LHX8: variants seen among roughly 807,000 people sequenced by gnomAD.
LHX8 encodes LIM homeobox 8.
A neutral mutation model predicts 40.3 loss-of-function variants in LHX8; 12 were observed. The ratio of observed to expected loss-of-function variants is 0.30; its 90% CI spans 0.19 to 0.48. The LOEUF (loss-of-function observed/expected upper bound fraction) is 0.48. Ranked by LOEUF, LHX8 falls within the 20% of genes least tolerant of loss-of-function variation. LHX8 has a pLI of 0.99. For synonymous variants in LHX8, 179 were observed against 162.0 expected, an observed-to-expected ratio of 1.10 and a Z score of -0.80; for missense variants, 344 against 433.7, an observed-to-expected ratio of 0.79 and a Z score of 1.84.
the LHX8 span, among the ~76,000 whole-genome samples, chr1:75,178,745 G>A: frequency 5.3e-5 from 8 of 152,162 alleles, no homozygotes; most frequent in African/African-American, 1.9e-4. Flanking sequence ...TGCTTCTCTA[G>A]TTCTTTTAAT....
intron 1 of LHX8, 119 bp from the exon 2 acceptor site, chr1:75,136,484 C>T (rs1365190393): frequency 5.4e-6 from 4 of 738,640 alleles, no homozygotes; most frequent in African/African-American, 3.6e-5. Flanking sequence ...CGGCTGCACG[C>T]GCTGCCCCGC....
chr1:75,153,803 A>T (rs1214638842), intron 7 of LHX8, among the ~76,000 whole-genome samples: 1 of 152,206 alleles, frequency 6.6e-6, no homozygotes, highest in Admixed American at 6.5e-5. Context: ...ATTTACGCCT[A>T]AACTTTAATT....
At chr1:75,193,999 A>G in the LHX8 span, among the ~76,000 whole-genome samples, 1 of 152,192 alleles carries the variant, frequency 6.6e-6, no homozygotes, top group Non-Finnish European at 1.5e-5. Context: ...CCATCAGACC[A>G]AGGGCTGCTT....
chr1:75,136,490 C>T (rs889208614), intron 1 of LHX8, 113 bp from the exon 2 acceptor site: 13 of 815,570 alleles, frequency 1.6e-5, no homozygotes, highest in East Asian at 1.4e-4. Flanking sequence ...CACGCGCTGC[C>T]CCGCACTCTG....
chr1:75,181,763 T>A, the LHX8 span, among the ~76,000 whole-genome samples: 6 of 152,282 alleles, frequency 3.9e-5, no homozygotes, highest in African/African-American at 1.4e-4. Context: ...AATGCAGAAA[T>A]CATCTGTCTT....
At chr1:75,181,736 C>A in the LHX8 span, among the ~76,000 whole-genome samples, 1 of 152,186 alleles carries the variant, frequency 6.6e-6, no homozygotes, top group Non-Finnish European at 1.5e-5. Context: ...TGAGATGAAC[C>A]AAATACCTCT....
In LHX8 at chr1:75,148,435, T is replaced by C. The variant is rs528299111; in HGVS notation, c.685-152T>C. On this transcript the variant is annotated intron_variant, in intron 6 of 8. Transcript: ENST00000356261. ...TATAAATTTACAAAATATGCATTCG[T>C]TTTCACTTACCCATATTTCCCCATA... 114 of 670,982 alleles carry C rather than the reference T, an allele frequency of 1.7e-4. No homozygotes were observed. The African/African-American group carries it at 1.9e-3, about 11-fold the overall frequency. The allele number at this position is 670,982 out of a possible 1,614,324, so 41.6% of individuals were successfully genotyped here.
the LHX8 span, among the ~76,000 whole-genome samples, chr1:75,169,030 AC>A: frequency 6.7e-6 from 1 of 150,260 alleles, no homozygotes; most frequent in Non-Finnish European, 1.5e-5. Flanking sequence ...TTCTGTTGAA[AC>A]CCCCCCTGTG....
At chr1:75,155,730 T>C (rs1648745398) in intron 7 of LHX8, among the ~76,000 whole-genome samples, 1 of 152,232 alleles carries the variant, frequency 6.6e-6, no homozygotes, top group Admixed American at 6.5e-5. Flanking sequence ...CTTTACATTT[T>C]GTGAACTCTC....
intron 6 of LHX8, among the ~76,000 whole-genome samples, chr1:75,146,600 C>T (rs1040787350): frequency 2.0e-5 from 3 of 152,250 alleles, no homozygotes; most frequent in South Asian, 4.1e-4. Context: ...AGGCTCACTC[C>T]TTGTCCACGT....
chr1:75,147,348 A>G lies in LHX8; in HGVS notation c.685-1239A>G, dbSNP rs1254240779. 2.0e-5 allele frequency among the ~76,000 whole-genome samples: 3 copies of G among 152,232 alleles called. No homozygotes were observed. The South Asian group carries it at 6.2e-4, about 32-fold the overall frequency. On this transcript the variant is annotated intron_variant, in intron 6 of 8. Transcript: ENST00000356261. The stretch of plus-strand genomic sequence containing the variant: ...GATTTTCCTTACATTGCCAAGTTTT[A>G]CTCTGTCAGAAACTCTTAACATACT...
chr1:75,143,612 G>C (rs184815672), intron 5 of LHX8, among the ~76,000 whole-genome samples: 9 of 152,010 alleles, frequency 5.9e-5, no homozygotes. Flanking sequence ...TGTATTTGCT[G>C]GGCCTTAGAT....
At chr1:75,182,156 A>T in the LHX8 span, among the ~76,000 whole-genome samples, 1 of 152,142 alleles carries the variant, frequency 6.6e-6, no homozygotes, top group East Asian at 1.9e-4. Flanking sequence ...TCTTTGGTCC[A>T]TCATCAGTTG....
At chr1:75,188,098 T>G in the LHX8 span, among the ~76,000 whole-genome samples, 1 of 152,138 alleles carries the variant, frequency 6.6e-6, no homozygotes, top group Non-Finnish European at 1.5e-5. Context: ...AGAAAAAGCA[T>G]GAGGCAAAGA....
the LHX8 span, among the ~76,000 whole-genome samples, chr1:75,199,146 TTGAG>T: frequency 1.3e-5 from 2 of 152,334 alleles, no homozygotes; most frequent in African/African-American, 2.4e-5. Flanking sequence ...TGATTTGCTA[TTGAG>T]TTTCTTTTTC....
At chr1:75,193,301 C>G in the LHX8 span, among the ~76,000 whole-genome samples, 1 of 152,184 alleles carries the variant, frequency 6.6e-6, no homozygotes. Context: ...CCTGTCTCCT[C>G]TCTGCCATCT....
At chr1:75,164,940 T>C (rs1025829546), downstream of LHX8, among the ~76,000 whole-genome samples, 29 of 152,150 alleles carry the variant, frequency 1.9e-4, no homozygotes, top group African/African-American at 6.8e-4. Flanking sequence ...CCCAAAGTGC[T>C]GAGATTATAG....
chr1:75,191,378 C>A, the LHX8 span, among the ~76,000 whole-genome samples: 1 of 152,242 alleles, frequency 6.6e-6, no homozygotes, highest in South Asian at 2.1e-4. Flanking sequence ...GCAGCCCCCA[C>A]TCTCTCCAGC....
downstream of LHX8, among the ~76,000 whole-genome samples, chr1:75,164,971 C>A (rs140230994): frequency 6.1e-3 from 929 of 152,230 alleles, 15 homozygotes; most frequent in African/African-American, 0.021. Context: ...CTACGTCCAG[C>A]CGAAAACTAG....
Sources: allele counts gnomAD v4.1 joint callset (sites outside exome capture counted in the v4.1 genomes callset), GRCh38; gene constraint gnomAD v4.1.1; transcripts MANE v1.5; gene names NCBI Gene and HGNC (gene_info 2026-07-23, HGNC 2026-07-21).